RAB9B: variants seen among roughly 807,000 people sequenced by gnomAD.
RAB9B encodes ras-related protein Rab-9B.
RAB9B carries 1 observed loss-of-function variant against 8.9 expected under a neutral mutation model. The observed-to-expected ratio is 0.11, with a 90% CI of 0.04 to 0.53. RAB9B has a LOEUF of 0.53. Ranked by LOEUF, RAB9B falls within the 20% of genes least tolerant of loss-of-function variation. The pLI is 0.93. For synonymous variants in RAB9B, 63 were observed against 57.0 expected, an observed-to-expected ratio of 1.10 and a Z score of -0.47; for missense variants, 82 against 152.9, an observed-to-expected ratio of 0.54 and a Z score of 2.45.
chrX:103,824,072 G>A lies in RAB9B; in HGVS notation c.*1107C>T, dbSNP rs2074673634. 8.9e-6 allele frequency: 1 copy of A among 112,296 alleles called. No individual in the cohort carries two copies. Among genetic ancestry groups the A allele is most frequent in the South Asian group, 3.7e-4 (1 of 2,716 alleles). 9.3% of individuals were successfully genotyped at this position (112,296 alleles called of 1,213,427 possible). ...TCAGAGGCAGGGAGCTCACTATTAA[G>A]GCAGTCCATTCCACTGTTGGACAAC... On this transcript the variant is annotated 3_prime_UTR_variant, in exon 3 of 3. Coordinates refer to ENST00000243298, the MANE Select transcript of RAB9B (RefSeq NM_016370.4).
At chrX:103,782,791 C>A in the RAB9B span, among the ~76,000 whole-genome samples, 1 of 5,029 alleles carries the variant, frequency 2.0e-4, no homozygotes, top group African/African-American at 9.0e-4. Context: ...GAGTCTGACC[C>A]CCTCCCCACC....
At chrX:103,787,239 T>G in the RAB9B span, among the ~76,000 whole-genome samples, 2 of 111,915 alleles carry the variant, frequency 1.8e-5, no homozygotes, top group Admixed American at 9.4e-5. Context: ...TTTTATTGCC[T>G]GAGGGTTATC....
chrX:103,792,982 C>T, the RAB9B span, among the ~76,000 whole-genome samples: 5 of 112,284 alleles, frequency 4.5e-5, no homozygotes, highest in Admixed American at 9.4e-5. Context: ...CCCCAGTCCC[C>T]GGTGCATTTA....
At chrX:103,778,660 C>T in the RAB9B span, among the ~76,000 whole-genome samples, 11 of 111,506 alleles carry the variant, frequency 9.9e-5, no homozygotes, top group East Asian at 2.8e-4. Flanking sequence ...GATAAGGGCA[C>T]GATTGAGGAT....
the RAB9B span, among the ~76,000 whole-genome samples, chrX:103,806,358 T>A: frequency 8.9e-6 from 1 of 111,855 alleles, no homozygotes; most frequent in South Asian, 3.7e-4. Context: ...CTTTTATCTA[T>A]TGGTTATTTA....
the RAB9B span, chrX:103,777,151 T>A: frequency 1.9e-6 from 1 of 537,652 alleles, no homozygotes; most frequent in Non-Finnish European, 3.3e-6. Context: ...TCAGTTAGAT[T>A]AACTCCTTCT....
At chrX:103,814,470 C>A in the RAB9B span, among the ~76,000 whole-genome samples, 2 of 111,406 alleles carry the variant, frequency 1.8e-5, no homozygotes, top group Admixed American at 9.6e-5. Flanking sequence ...CACTAAATGT[C>A]CACAAGAGAA....
the RAB9B span, among the ~76,000 whole-genome samples, chrX:103,812,971 T>G: frequency 9.4e-6 from 1 of 106,398 alleles, no homozygotes; most frequent in Non-Finnish European, 1.9e-5. Context: ...AGGCAGAATA[T>G]TGCTCTGTCA....
chrX:103,821,527 C>T (rs1932684643), downstream of RAB9B, among the ~76,000 whole-genome samples: 1 of 111,467 alleles, frequency 9.0e-6, no homozygotes, highest in Non-Finnish European at 1.9e-5. Context: ...AATTTTAAAA[C>T]CGCCATTATG....
chrX:103,803,439 C>G, the RAB9B span, among the ~76,000 whole-genome samples: 1 of 112,296 alleles, frequency 8.9e-6, no homozygotes, highest in Non-Finnish European at 1.9e-5. Context: ...TTTTGCATTT[C>G]CCTGATGACT....
At chrX:103,809,250 G>T in the RAB9B span, among the ~76,000 whole-genome samples, 24 of 112,250 alleles carry the variant, frequency 2.1e-4, no homozygotes, top group African/African-American at 6.1e-4. Context: ...TGGAGAGCCT[G>T]ACCATCCTAG....
At chrX:103,778,784 T>G in the RAB9B span, among the ~76,000 whole-genome samples, 3 of 112,011 alleles carry the variant, frequency 2.7e-5, no homozygotes, top group African/African-American at 9.7e-5. Context: ...TACTTTGAAT[T>G]ATAGATCATC....
chrX:103,780,435 C>CTGTGTG, the RAB9B span, among the ~76,000 whole-genome samples: 328 of 68,282 alleles, frequency 4.8e-3, 1 homozygote, highest in Middle Eastern at 7.9e-3. Context: ...CATTCTGTCT[C>CTGTGTG]TCTCTGTGTG....
chrX:103,787,737 TTGTG>T, the RAB9B span: 1 of 994,010 alleles, frequency 1.0e-6, no homozygotes, highest in Admixed American at 2.2e-5. Flanking sequence ...ATCTCCCAGT[TTGTG>T]TTTCTACATC....
chrX:103,820,282 C>A, downstream of RAB9B, among the ~76,000 whole-genome samples: 1 of 112,124 alleles, frequency 8.9e-6, no homozygotes, highest in Non-Finnish European at 1.9e-5. Context: ...AAACACTGCA[C>A]TGTAGTAAAT....
chrX:103,776,681 A>C, the RAB9B span: 1 of 300,530 alleles, frequency 3.3e-6, no homozygotes, highest in Non-Finnish European at 5.8e-6. Flanking sequence ...AAACAAAGAA[A>C]ATGAAACAAT....
At chrX:103,827,715 G>C (rs1428860216) in intron 1 of RAB9B, among the ~76,000 whole-genome samples, 2 of 111,799 alleles carry the variant, frequency 1.8e-5, no homozygotes, top group South Asian at 7.6e-4. Flanking sequence ...CACCCAGGCT[G>C]GAGTGCAGTG....
chrX:103,778,574 G>A, the RAB9B span, among the ~76,000 whole-genome samples: 3 of 111,349 alleles, frequency 2.7e-5, no homozygotes, highest in Non-Finnish European at 3.8e-5. Flanking sequence ...GGAAAGGCAG[G>A]AACAAATAAA....
intron 1 of RAB9B, among the ~76,000 whole-genome samples, chrX:103,830,462 GC>G (rs1242450959): frequency 1.8e-5 from 2 of 111,783 alleles, no homozygotes; most frequent in Non-Finnish European, 3.8e-5. Context: ...TGTCGGGCGA[GC>G]ATTTGGACCA....
Sources: gnomAD v4.1 joint callset for allele counts (sites outside exome capture counted in the v4.1 genomes callset) on GRCh38, gnomAD v4.1.1 for gene constraint, MANE v1.5 for transcripts, NCBI Gene and HGNC (gene_info 2026-07-23, HGNC 2026-07-21) for gene names.